Variants in ACYP2 observed in about 807,000 individuals in gnomAD.
ACYP2 encodes acylphosphatase 2, also known as acylphosphatase-2.
Under a neutral mutation model 11.2 loss-of-function variants are expected in ACYP2, and 12 were observed. The observed-to-expected ratio is 1.08, with a 90% CI of 0.69 to 1.74. The LOEUF (loss-of-function observed/expected upper bound fraction) is 1.74, where lower values mean the gene tolerates loss of function less well. ACYP2 is among the 40% of genes most tolerant of loss of function. The pLI, the probability that ACYP2 is intolerant of heterozygous loss-of-function variation, is 0.00. For synonymous variants in ACYP2, 43 were observed against 32.2 expected (o/e 1.33, Z -1.13); for missense variants, 134 against 101.9 (o/e 1.31, Z -1.35).
intron 6 of ACYP2, among the ~76,000 whole-genome samples, chr2:54,277,297 C>T (rs1007312440): frequency 6.6e-6 from 1 of 152,176 alleles, no homozygotes; most frequent in African/African-American, 2.4e-5. Context: ...TAGGAGACAG[C>T]TACTTTTAAT....
intron 6 of ACYP2, among the ~76,000 whole-genome samples, chr2:54,144,610 G>T (rs1002553331): frequency 1.3e-5 from 2 of 150,458 alleles, no homozygotes; most frequent in Non-Finnish European, 2.9e-5. Flanking sequence ...GGAGCCAGAG[G>T]TTGCAGTGAG....
intron 6 of ACYP2, among the ~76,000 whole-genome samples, chr2:54,211,078 C>T (rs1685313970): frequency 6.6e-6 from 1 of 152,130 alleles, no homozygotes; most frequent in South Asian, 2.1e-4. Context: ...TACATACAAA[C>T]GACTGCACAA....
chr2:54,272,475 A>G (rs537684312), intron 6 of ACYP2, among the ~76,000 whole-genome samples: 13 of 152,296 alleles, frequency 8.5e-5, no homozygotes, highest in African/African-American at 2.9e-4. Flanking sequence ...CTAATGTGAA[A>G]GTAATCCTGA....
At chr2:54,294,630 G>A (rs181312557) in intron 6 of ACYP2, among the ~76,000 whole-genome samples, 3 of 152,228 alleles carry the variant, frequency 2.0e-5, no homozygotes, top group Admixed American at 6.5e-5. Context: ...CAAATCTTGA[G>A]GCTGTGTATG....
chr2:54,025,266 T>A (rs1674219950), intron 2 of ACYP2, among the ~76,000 whole-genome samples: 1 of 152,072 alleles, frequency 6.6e-6, no homozygotes, highest in Non-Finnish European at 1.5e-5. Context: ...AGAAACCATA[T>A]AGCCAAAGCA....
chr2:54,106,276 A>G (rs989028982), intron 4 of ACYP2, among the ~76,000 whole-genome samples: 3 of 152,056 alleles, frequency 2.0e-5, no homozygotes, highest in African/African-American at 7.2e-5. Context: ...ATTTGTAGAG[A>G]TGGGTTGCCC....
At chr2:53,989,090 G>A (rs944453635) in intron 2 of ACYP2, among the ~76,000 whole-genome samples, 5 of 151,752 alleles carry the variant, frequency 3.3e-5, no homozygotes, top group African/African-American at 1.2e-4. Context: ...GCCACCAAGA[G>A]TCCAGTCCCA....
intron 4 of ACYP2, among the ~76,000 whole-genome samples, chr2:54,088,072 T>G (rs989677454): frequency 1.3e-5 from 2 of 152,170 alleles, no homozygotes; most frequent in Non-Finnish European, 2.9e-5. Flanking sequence ...ACATGGCCCC[T>G]GCAGCTGGGA....
chr2:54,251,464 C>T (rs1232452234), intron 6 of ACYP2, among the ~76,000 whole-genome samples: 4 of 152,154 alleles, frequency 2.6e-5, no homozygotes, highest in Admixed American at 6.5e-5. Context: ...ATGTACAACT[C>T]AGTGAAGTTT....
chr2:53,990,724 A>G (rs1196766325), intron 2 of ACYP2, among the ~76,000 whole-genome samples: 1 of 151,534 alleles, frequency 6.6e-6, no homozygotes, highest in African/African-American at 2.4e-5. Flanking sequence ...GCAGTGGTTG[A>G]GAGAGCTTCT....
At chr2:54,252,947 A>G (rs756847872) in intron 6 of ACYP2, among the ~76,000 whole-genome samples, 1 of 152,174 alleles carries the variant, frequency 6.6e-6, no homozygotes, top group Admixed American at 6.5e-5. Context: ...CAATTTCACA[A>G]AACAATCTCA....
At chr2:54,113,885 A>C (rs1328985187) in intron 4 of ACYP2, among the ~76,000 whole-genome samples, 1 of 152,048 alleles carries the variant, frequency 6.6e-6, no homozygotes. Context: ...TGAACGTATT[A>C]AGAAGAATGA....
intron 2 of ACYP2, among the ~76,000 whole-genome samples, chr2:53,991,975 T>C (rs1672319067): frequency 6.6e-6 from 1 of 151,958 alleles, no homozygotes; most frequent in Non-Finnish European, 1.5e-5. Flanking sequence ...TTCTTTCAAT[T>C]TCTTGATCAA....
intron 2 of ACYP2, among the ~76,000 whole-genome samples, chr2:54,049,292 G>C (rs1057328646): frequency 6.6e-6 from 1 of 151,908 alleles, no homozygotes; most frequent in Non-Finnish European, 1.5e-5. Flanking sequence ...GAACTGACTA[G>C]TGCCACCCTG....
At chr2:54,177,845 G>A (rs907567769) in intron 6 of ACYP2, among the ~76,000 whole-genome samples, 1 of 151,080 alleles carries the variant, frequency 6.6e-6, no homozygotes, top group Non-Finnish European at 1.5e-5. Context: ...CTCCCAGAGT[G>A]CTGGGATTAC....
At chr2:54,198,381 G>C (rs1684606708) in intron 6 of ACYP2, among the ~76,000 whole-genome samples, 1 of 151,950 alleles carries the variant, frequency 6.6e-6, no homozygotes, top group African/African-American at 2.4e-5. Context: ...GGGGAAGAGA[G>C]GAAGCCAGGA....
intron 4 of ACYP2, among the ~76,000 whole-genome samples, chr2:54,099,455 C>T (rs1678769714): frequency 6.6e-6 from 1 of 152,178 alleles, no homozygotes; most frequent in Non-Finnish European, 1.5e-5. Context: ...ACCCCCAGAC[C>T]CTGGTCCCCA....
intron 6 of ACYP2, among the ~76,000 whole-genome samples, chr2:54,209,277 A>G (rs1272818872): frequency 1.3e-5 from 2 of 152,154 alleles, no homozygotes; most frequent in Non-Finnish European, 1.5e-5. Context: ...TGGTTGTTGT[A>G]CTTATTATTT....
chr2:54,203,002 A>T (rs548216056), intron 6 of ACYP2, among the ~76,000 whole-genome samples: 1 of 152,164 alleles, frequency 6.6e-6, no homozygotes, highest in African/African-American at 2.4e-5. Flanking sequence ...ATTTCTGCAA[A>T]AAAGGCTGTT....
Sources: gnomAD v4.1 joint callset for allele counts (sites outside exome capture counted in the v4.1 genomes callset) on GRCh38, gnomAD v4.1.1 for gene constraint, MANE v1.5 for transcripts, NCBI Gene and HGNC (gene_info 2026-07-23, HGNC 2026-07-21) for gene names.